ZNF385D: variants seen among roughly 807,000 people sequenced by gnomAD.
ZNF385D encodes the protein zinc finger protein 385D.
In ZNF385D, 15 loss-of-function variants were observed where a neutral mutation model predicts 35.8. The observed-to-expected ratio is 0.42, with a 90% confidence interval of 0.28 to 0.64. The LOEUF (loss-of-function observed/expected upper bound fraction) is 0.64, where lower values mean the gene tolerates loss of function less well. ZNF385D is among the 30% of genes least tolerant of loss of function. The probability of loss-of-function intolerance (pLI) is 0.23; values close to 1 mark genes in which losing one functional copy is unlikely to be tolerated. For missense variants in ZNF385D, 474 were observed against 494.6 expected, an observed-to-expected ratio of 0.96 and a Z score of 0.39; for synonymous variants, 212 against 186.8, an observed-to-expected ratio of 1.13 and a Z score of -1.10.
At chr3:22,083,221 C>T (rs952214010) in intron 3 of ZNF385D, among the ~76,000 whole-genome samples, 17 of 152,286 alleles carry the variant, frequency 1.1e-4, no homozygotes, top group South Asian at 8.3e-4. Context: ...CAAAGCTGGA[C>T]GGAGAATGAC....
At chr3:22,220,283 T>C (rs1414274746) in intron 2 of ZNF385D, among the ~76,000 whole-genome samples, 1 of 152,100 alleles carries the variant, frequency 6.6e-6, no homozygotes, top group Non-Finnish European at 1.5e-5. Context: ...CAGACTGGTC[T>C]TGAACTCCTG....
At chr3:22,036,577 AC>A (rs1698333058) in intron 3 of ZNF385D, among the ~76,000 whole-genome samples, 1 of 152,116 alleles carries the variant, frequency 6.6e-6, no homozygotes, top group Non-Finnish European at 1.5e-5. Flanking sequence ...TAGGAAAAAA[AC>A]AAATTATTTC....
At chr3:22,355,377 T>A (rs1043829022) in intron 2 of ZNF385D, among the ~76,000 whole-genome samples, 1 of 152,040 alleles carries the variant, frequency 6.6e-6, no homozygotes, top group Admixed American at 6.6e-5. Context: ...ATATTTTACA[T>A]CACACATATT....
In ZNF385D at chr3:22,359,967, G is replaced by A. The variant is rs555419779; in HGVS notation, c.106+12483C>T. 1.1e-4 allele frequency among the ~76,000 whole-genome samples: 17 copies of A among 152,022 alleles called. 1 individual carries two copies. The East Asian group carries it at 2.1e-3, about 19-fold the overall frequency. On this transcript the variant is annotated intron_variant, in intron 2 of 5. Coordinates refer to the ZNF385D transcript ENST00000494108. ...TGTATAATTGAGTTCTTAAACGTAT[G>A]TATGGAGCCACTTTTTAAACATGAA...
At chr3:21,659,820 T>C (rs1032627117) in intron 2 of ZNF385D, among the ~76,000 whole-genome samples, 3 of 152,128 alleles carry the variant, frequency 2.0e-5, no homozygotes, top group South Asian at 2.1e-4. Flanking sequence ...AATTGTTCAA[T>C]GTATTTCATC....
chr3:21,480,407 A>C (rs1302089224), intron 4 of ZNF385D, among the ~76,000 whole-genome samples: 1 of 151,998 alleles, frequency 6.6e-6, no homozygotes, highest in Non-Finnish European at 1.5e-5. Context: ...CCAGCCTGAA[A>C]ATTTTTAAAA....
At chr3:21,762,417 C>T (rs2070659342) in intron 3 of ZNF385D, among the ~76,000 whole-genome samples, 1 of 152,116 alleles carries the variant, frequency 6.6e-6, no homozygotes, top group African/African-American at 2.4e-5. Context: ...TGCTCATCCT[C>T]AAGTGATCCA....
At chr3:22,335,888 A>G (rs1424641928) in intron 2 of ZNF385D, among the ~76,000 whole-genome samples, 2 of 152,152 alleles carry the variant, frequency 1.3e-5, no homozygotes, top group African/African-American at 4.8e-5. Context: ...TAAGAACACT[A>G]AGTACATCTG....
chr3:22,207,845 T>A (rs549850281), intron 2 of ZNF385D, among the ~76,000 whole-genome samples: 1 of 152,050 alleles, frequency 6.6e-6, no homozygotes, highest in South Asian at 2.1e-4. Context: ...ATATCATTGA[T>A]CATCAGAGAA....
At chr3:21,978,903 A>G (rs1009215502) in intron 3 of ZNF385D, among the ~76,000 whole-genome samples, 1 of 152,172 alleles carries the variant, frequency 6.6e-6, no homozygotes, top group African/African-American at 2.4e-5. Context: ...TTTCCCAAGA[A>G]AAGTAAAATA....
intron 2 of ZNF385D, among the ~76,000 whole-genome samples, chr3:22,221,935 A>G (rs1698279423): frequency 6.6e-6 from 1 of 152,158 alleles, no homozygotes; most frequent in Non-Finnish European, 1.5e-5. Flanking sequence ...TAGGTTTTCT[A>G]GGATAGTTTT....
intron 4 of ZNF385D, among the ~76,000 whole-genome samples, chr3:21,481,926 C>T (rs1575018976): frequency 2.0e-5 from 3 of 152,292 alleles, no homozygotes; most frequent in Admixed American, 2.0e-4. Flanking sequence ...TATTTGGACA[C>T]TACTCTCAAC....
At chr3:21,804,857 C>A (rs1315801523) in intron 3 of ZNF385D, among the ~76,000 whole-genome samples, 5 of 92,252 alleles carry the variant, frequency 5.4e-5, no homozygotes, top group African/African-American at 2.3e-4. Flanking sequence ...CCCTTATATA[C>A]TTTACCACTA....
intron 3 of ZNF385D, among the ~76,000 whole-genome samples, chr3:21,859,318 G>C (rs1696910752): frequency 1.3e-5 from 2 of 151,922 alleles, no homozygotes; most frequent in African/African-American, 4.8e-5. Flanking sequence ...AAAGGAGCCT[G>C]TGGCGGCCCA....
intron 2 of ZNF385D, among the ~76,000 whole-genome samples, chr3:22,246,163 A>G (rs2125321726): frequency 6.6e-6 from 1 of 152,334 alleles, no homozygotes; most frequent in East Asian, 1.9e-4. Flanking sequence ...AACTATTTTA[A>G]TACTTCACAC....
intron 3 of ZNF385D, among the ~76,000 whole-genome samples, chr3:22,005,603 AGTAT>A (rs1270098849): frequency 2.6e-5 from 4 of 152,136 alleles, no homozygotes; most frequent in African/African-American, 9.6e-5. Flanking sequence ...GTATCCCATA[AGTAT>A]GTATAATTAT....
intron 3 of ZNF385D, among the ~76,000 whole-genome samples, chr3:21,993,134 T>G (rs1695242449): frequency 6.6e-6 from 1 of 152,176 alleles, no homozygotes; most frequent in South Asian, 2.1e-4. Context: ...TCCACTGTGG[T>G]ACTTAGGGAA....
chr3:22,330,211 A>G (rs925837870), intron 2 of ZNF385D, among the ~76,000 whole-genome samples: 11 of 152,092 alleles, frequency 7.2e-5, no homozygotes, highest in Non-Finnish European at 1.6e-4. Context: ...TTACACTTTC[A>G]TTTTTAATTT....
chr3:21,843,970 A>G (rs538294692), intron 3 of ZNF385D, among the ~76,000 whole-genome samples: 1 of 152,146 alleles, frequency 6.6e-6, no homozygotes, highest in East Asian at 1.9e-4. Context: ...GATAAGATAC[A>G]TTCATAAATA....
Sources: allele counts gnomAD v4.1 joint callset (sites outside exome capture counted in the v4.1 genomes callset), GRCh38; gene constraint gnomAD v4.1.1; transcripts MANE v1.5; gene names NCBI Gene and HGNC (gene_info 2026-07-23, HGNC 2026-07-21).